CNTN5: variants seen among roughly 807,000 people sequenced by gnomAD.
CNTN5 encodes the protein contactin-5.
In CNTN5, 77 loss-of-function variants were observed where a neutral mutation model predicts 129.1. The observed-to-expected ratio is 0.60, with a 90% CI of 0.50 to 0.72. The LOEUF is 0.72. Among genes scored for constraint, CNTN5 ranks in the 30% least tolerant of loss-of-function variants. The pLI is 0.00. For missense variants in CNTN5, 1,478 were observed against 1,328.8 expected (o/e 1.11, Z -1.75); for synonymous variants, 509 against 465.6 (o/e 1.09, Z -1.20).
chr11:99,944,257 A>T (rs1950507788), intron 7 of CNTN5, among the ~76,000 whole-genome samples: 1 of 152,070 alleles, frequency 6.6e-6, no homozygotes, highest in Admixed American at 6.6e-5. Context: ...TAACATCACA[A>T]TTAAAAGAAC....
chr11:99,095,080 C>A (rs1426880945), intron 1 of CNTN5, among the ~76,000 whole-genome samples: 1 of 151,588 alleles, frequency 6.6e-6, no homozygotes, highest in Non-Finnish European at 1.5e-5. Flanking sequence ...CTTGCTGTAC[C>A]CATCAACTTG....
In CNTN5 at chr11:99,339,838, G is replaced by A. The variant is rs141585023; in HGVS notation, c.-71+14354G>A. Among the ~76,000 whole-genome samples the A allele has an allele frequency of 4.0e-3, 600 of 151,564 alleles. 12 individuals carry two copies. The highest frequency in any genetic ancestry group is 0.036 in the Admixed American group (541 of 15,196). ...CAAGAATGTATTTGATTGGACTAGA[G>A]AAGAGTGAGTGAGATGGAGAGTGAA... On this transcript the variant is annotated intron_variant, in intron 2 of 24. Transcript: ENST00000524871.
At chr11:99,188,502 A>G (rs1409029038) in intron 1 of CNTN5, among the ~76,000 whole-genome samples, 1 of 151,816 alleles carries the variant, frequency 6.6e-6, no homozygotes, top group Non-Finnish European at 1.5e-5. Flanking sequence ...AAACAGAGAA[A>G]TTCTCCAAGA....
intron 1 of CNTN5, among the ~76,000 whole-genome samples, chr11:99,109,072 G>A (rs1857654811): frequency 6.6e-6 from 1 of 151,340 alleles, no homozygotes; most frequent in Non-Finnish European, 1.5e-5. Context: ...CATAGTGTAT[G>A]TACATATCTA....
At chr11:100,276,955 C>T (rs1391163891) in intron 18 of CNTN5, among the ~76,000 whole-genome samples, 1 of 151,960 alleles carries the variant, frequency 6.6e-6, no homozygotes, top group Non-Finnish European at 1.5e-5. Flanking sequence ...CTTCCCTTCC[C>T]CCCAACCCCC....
intron 3 of CNTN5, among the ~76,000 whole-genome samples, chr11:99,641,875 A>T (rs1951784854): frequency 6.6e-6 from 1 of 152,162 alleles, no homozygotes; most frequent in African/African-American, 2.4e-5. Context: ...TGTTTGCCAT[A>T]ACTTCCAGTA....
intron 13 of CNTN5, among the ~76,000 whole-genome samples, chr11:100,108,386 T>C (rs1945529204): frequency 2.6e-5 from 4 of 152,078 alleles, no homozygotes; most frequent in Admixed American, 2.0e-4. Context: ...ATCATTGAGA[T>C]GTGTGAGATG....
chr11:99,759,441 A>G (rs75251264), intron 3 of CNTN5, among the ~76,000 whole-genome samples: 1,550 of 152,120 alleles, frequency 0.01, 30 homozygotes, highest in African/African-American at 0.035. Context: ...ATAGGGGGCA[A>G]TGAAATTATG....
intron 2 of CNTN5, among the ~76,000 whole-genome samples, chr11:99,422,023 C>T (rs887480917): frequency 6.6e-6 from 1 of 152,128 alleles, no homozygotes; most frequent in African/African-American, 2.4e-5. Context: ...GGAATAATTA[C>T]CTTCTACCCT....
At chr11:99,455,683 C>G (rs1944471280) in intron 2 of CNTN5, among the ~76,000 whole-genome samples, 1 of 151,968 alleles carries the variant, frequency 6.6e-6, no homozygotes, top group Admixed American at 6.6e-5. Context: ...GGTTCCCGTA[C>G]CTGCCAACCA....
At chr11:99,448,707 A>G (rs1465763385) in intron 2 of CNTN5, among the ~76,000 whole-genome samples, 1 of 150,066 alleles carries the variant, frequency 6.7e-6, no homozygotes, top group Non-Finnish European at 1.5e-5. Context: ...AAGTTGCATA[A>G]TTTGCCTAAA....
intron 1 of CNTN5, among the ~76,000 whole-genome samples, chr11:99,152,443 T>C (rs1189763221): frequency 6.6e-6 from 1 of 152,234 alleles, no homozygotes; most frequent in Non-Finnish European, 1.5e-5. Flanking sequence ...AAGCCTGTTT[T>C]GTCTGAAATT....
intron 2 of CNTN5, among the ~76,000 whole-genome samples, chr11:99,518,257 C>G (rs1947135631): frequency 6.6e-6 from 1 of 152,052 alleles, no homozygotes. Flanking sequence ...GTGTCATTCA[C>G]AGGAAAGCAG....
intron 15 of CNTN5, among the ~76,000 whole-genome samples, chr11:100,203,646 T>C (rs1312419840): frequency 6.6e-6 from 1 of 151,900 alleles, no homozygotes; most frequent in Non-Finnish European, 1.5e-5. Context: ...CTTTTCTCCA[T>C]TCCTGGAGTC....
chr11:99,542,972 C>T (rs982166337), intron 2 of CNTN5, among the ~76,000 whole-genome samples: 1 of 152,188 alleles, frequency 6.6e-6, no homozygotes, highest in Non-Finnish European at 1.5e-5. Context: ...TCATAAAGGC[C>T]ATAGGTCCTC....
chr11:99,957,654 T>A (rs964295433), intron 8 of CNTN5, among the ~76,000 whole-genome samples: 5 of 145,612 alleles, frequency 3.4e-5, no homozygotes, highest in Admixed American at 2.8e-4. Context: ...ATGTGTAGTT[T>A]GCTCTGTCAT....
In CNTN5 at chr11:99,750,561, C is replaced by T. The variant is rs557702647; in HGVS notation, c.56-68983C>T. Among the ~76,000 whole-genome samples the T allele has an allele frequency of 1.3e-4, 19 of 150,580 alleles. No individual in the cohort carries two copies. In the South Asian group the frequency reaches 3.8e-3, roughly 30 times the overall value. On this transcript the variant is annotated intron_variant, in intron 3 of 24. Transcript: ENST00000524871. ...GAGTGGTAGCTAAAAAAAAAAGCTA[C>T]CACTCTTACCTCCTCTGTAAGGGGA...
At chr11:99,338,873 A>C (rs967276914) in intron 2 of CNTN5, among the ~76,000 whole-genome samples, 6 of 139,878 alleles carry the variant, frequency 4.3e-5, no homozygotes, top group Admixed American at 1.4e-4. Context: ...ATTTTCTAAG[A>C]GTTTTGTTGG....
chr11:100,043,144 T>A (rs1436512387), intron 9 of CNTN5, among the ~76,000 whole-genome samples: 2 of 152,232 alleles, frequency 1.3e-5, no homozygotes, highest in African/African-American at 4.8e-5. Context: ...AAATATTTTT[T>A]AAATCTTAAA....
Sources: allele counts gnomAD v4.1 joint callset (sites outside exome capture counted in the v4.1 genomes callset), GRCh38; gene constraint gnomAD v4.1.1; transcripts MANE v1.5; gene names NCBI Gene and HGNC (gene_info 2026-07-23, HGNC 2026-07-21).